SUSD4: variants seen among roughly 807,000 people sequenced by gnomAD.
SUSD4 encodes the protein sushi domain-containing protein 4.
Under a neutral mutation model 50.5 loss-of-function variants are expected in SUSD4, and 41 were observed. The ratio of observed to expected loss-of-function variants is 0.81; its 90% CI spans 0.63 to 1.05. SUSD4 has a LOEUF of 1.05. SUSD4 is among the 50% of genes least tolerant of loss of function. The pLI is 0.00. For missense variants in SUSD4, 580 were observed against 634.7 expected (o/e 0.91, Z 0.93); for synonymous variants, 257 against 257.3 (o/e 1.00, Z 0.01).
intron 3 of SUSD4, among the ~76,000 whole-genome samples, chr1:223,269,643 C>T (rs879680971): frequency 5.3e-5 from 8 of 152,144 alleles, no homozygotes; most frequent in South Asian, 2.1e-4. Flanking sequence ...TATATGCATA[C>T]GTGTTTGTAA....
At chr1:223,307,936 T>TC (rs1352350364) in intron 2 of SUSD4, among the ~76,000 whole-genome samples, 3 of 152,162 alleles carry the variant, frequency 2.0e-5, no homozygotes, top group East Asian at 3.9e-4. Context: ...TTCTGTTCTT[T>TC]CCCCCCATGC....
chr1:223,222,687 G>C, intron 8 of SUSD4, among the ~76,000 whole-genome samples: 1 of 152,178 alleles, frequency 6.6e-6, no homozygotes, highest in East Asian at 1.9e-4. Context: ...TAATCAATCT[G>C]ACACATTTTC....
At chr1:223,254,535 C>T (rs1661556760) in intron 5 of SUSD4, among the ~76,000 whole-genome samples, 1 of 151,906 alleles carries the variant, frequency 6.6e-6, no homozygotes, top group African/African-American at 2.4e-5. Context: ...AGGATGAGGA[C>T]CATCTATCAT....
At chr1:223,313,850 C>A (rs1666023222) in intron 2 of SUSD4, among the ~76,000 whole-genome samples, 1 of 152,126 alleles carries the variant, frequency 6.6e-6, no homozygotes. Flanking sequence ...GCCAGCACCA[C>A]GGCAGCTTAC....
At chr1:223,307,394 TACA>T (rs1182298819) in intron 2 of SUSD4, among the ~76,000 whole-genome samples, 3 of 152,364 alleles carry the variant, frequency 2.0e-5, no homozygotes, top group East Asian at 1.9e-4. Context: ...ATTTCATCCA[TACA>T]ACAACCCCAT....
At chr1:223,354,644 A>G (rs1668557218) in intron 2 of SUSD4, among the ~76,000 whole-genome samples, 1 of 152,194 alleles carries the variant, frequency 6.6e-6, no homozygotes, top group Admixed American at 6.5e-5. Flanking sequence ...CACACAAAAC[A>G]TTAACTGAAA....
At chr1:223,304,274 C>T (rs1665379246) in intron 2 of SUSD4, among the ~76,000 whole-genome samples, 2 of 152,336 alleles carry the variant, frequency 1.3e-5, no homozygotes, top group Non-Finnish European at 1.5e-5. Flanking sequence ...GGGGGAAGCA[C>T]ATCACATGCT....
chr1:223,245,757 T>C (rs889558992), intron 5 of SUSD4, among the ~76,000 whole-genome samples: 1 of 152,152 alleles, frequency 6.6e-6, no homozygotes, highest in East Asian at 1.9e-4. Flanking sequence ...ACCAGGACAG[T>C]GGCAGCCAAT....
chr1:223,305,274 G>A (rs1256683597), intron 2 of SUSD4, among the ~76,000 whole-genome samples: 1 of 152,062 alleles, frequency 6.6e-6, no homozygotes, highest in Non-Finnish European at 1.5e-5. Flanking sequence ...GTCTCTTTGG[G>A]GGTGTGCAAT....
chr1:223,250,862 T>C (rs1036367695), intron 5 of SUSD4, among the ~76,000 whole-genome samples: 5 of 152,140 alleles, frequency 3.3e-5, no homozygotes, highest in African/African-American at 1.2e-4. Flanking sequence ...CAAAGGATGC[T>C]GGCCAACTGG....
intron 5 of SUSD4, among the ~76,000 whole-genome samples, chr1:223,246,169 G>A (rs1660913781): frequency 6.6e-6 from 1 of 152,112 alleles, no homozygotes; most frequent in South Asian, 2.1e-4. Flanking sequence ...CTACAGGGAC[G>A]AAAAAGATGG....
intron 2 of SUSD4, among the ~76,000 whole-genome samples, chr1:223,345,349 G>T (rs1667971450): frequency 6.6e-6 from 1 of 152,124 alleles, no homozygotes; most frequent in Non-Finnish European, 1.5e-5. Context: ...TTGGTATCTT[G>T]TGAGGAAACT....
chr1:223,227,429 G>A lies in SUSD4; in HGVS notation c.1061+165C>T, dbSNP rs967945423. Among the ~76,000 whole-genome samples, 1 of 152,162 alleles carries A rather than the reference G, an allele frequency of 6.6e-6. No homozygotes were observed. The highest frequency in any genetic ancestry group is 2.4e-5 in the African/African-American group (1 of 41,424). On this transcript the variant is annotated intron_variant, in intron 7 of 8. Coordinates refer to ENST00000366878, the MANE Select transcript of SUSD4 (RefSeq NM_017982.4). This position sits in a 1 kb window ranked among gnomAD's most constrained non-coding sequence, Gnocchi z 4.5. ...GGAAAGAAAGAAAGAGGAAAATGAG[G>A]TCTGTCTCCAGCTTTGTGCTCAAAA...
chr1:223,232,308 T>C (rs1659950957), intron 5 of SUSD4, among the ~76,000 whole-genome samples: 1 of 152,200 alleles, frequency 6.6e-6, no homozygotes, highest in South Asian at 2.1e-4. Context: ...AGAGAGTAGA[T>C]TTCAGGAAAT....
chr1:223,265,531 A>ACTG (rs999610959), intron 4 of SUSD4, among the ~76,000 whole-genome samples: 3 of 152,148 alleles, frequency 2.0e-5, no homozygotes, highest in African/African-American at 7.2e-5. Flanking sequence ...ACATCCAGGC[A>ACTG]CTGCTGCTGC....
At chr1:223,257,994 G>A (rs1661820082) in intron 5 of SUSD4, among the ~76,000 whole-genome samples, 1 of 152,120 alleles carries the variant, frequency 6.6e-6, no homozygotes, top group Admixed American at 6.6e-5. Flanking sequence ...TCCCAGGGTG[G>A]GCCCTCATCA....
At chr1:223,302,824 A>G (rs1053694583) in intron 2 of SUSD4, among the ~76,000 whole-genome samples, 6 of 152,192 alleles carry the variant, frequency 3.9e-5, no homozygotes, top group Admixed American at 2.6e-4. Context: ...AGAACCAGCA[A>G]GCACTAGAAA....
chr1:223,342,932 G>T (rs1667836604), intron 2 of SUSD4, among the ~76,000 whole-genome samples: 1 of 152,114 alleles, frequency 6.6e-6, no homozygotes. Context: ...CTGCAAGAAT[G>T]AACATTGTTG....
At chr1:223,346,042 A>G (rs935650446) in intron 2 of SUSD4, among the ~76,000 whole-genome samples, 11 of 152,150 alleles carry the variant, frequency 7.2e-5, no homozygotes, top group African/African-American at 2.4e-4. Flanking sequence ...AGTCAGCCCT[A>G]CGGACACTTG....
Sources: gnomAD v4.1 joint callset for allele counts (sites outside exome capture counted in the v4.1 genomes callset) on GRCh38, gnomAD v4.1.1 for gene constraint, Gnocchi (gnomAD v3.1) non-coding constraint, MANE v1.5 for transcripts, NCBI Gene and HGNC (gene_info 2026-07-23, HGNC 2026-07-21) for gene names.